NR5A2: variants seen among roughly 807,000 people sequenced by gnomAD.
NR5A2 encodes CYP7A promoter-binding factor.
A neutral mutation model predicts 62.7 loss-of-function variants in NR5A2; 26 were observed. The ratio of observed to expected loss-of-function variants is 0.41; its 90% CI spans 0.30 to 0.58. The LOEUF (loss-of-function observed/expected upper bound fraction) is 0.58, where lower values mean the gene tolerates loss of function less well. Ranked by LOEUF, NR5A2 falls within the 20% of genes least tolerant of loss-of-function variation. The pLI is 0.22. For missense variants in NR5A2, 541 were observed against 669.1 expected, an observed-to-expected ratio of 0.81 and a Z score of 2.11; for synonymous variants, 246 against 241.7, an observed-to-expected ratio of 1.02 and a Z score of -0.16.
chr1:200,080,682 A>G (rs1477791754), intron 5 of NR5A2, among the ~76,000 whole-genome samples: 1 of 152,226 alleles, frequency 6.6e-6, no homozygotes. Flanking sequence ...TAGCTTTGTC[A>G]AAAACAAATT....
Position 200,174,215 on chromosome 1 carries a change from C to T in NR5A2, c.*5C>T, listed in dbSNP as rs1286888220. ...TTGCATGCCAAAAGAGCATAAGTTA[C>T]AACCCCTAGGAGCTCTGCTTTCAAA... On this transcript the variant is annotated 3_prime_UTR_variant, in exon 8 of 8. Coordinates refer to ENST00000367362, the MANE Select transcript of NR5A2 (RefSeq NM_205860.3). 1 of 1,575,068 alleles carries T rather than the reference C, an allele frequency of 6.3e-7. No homozygotes were observed. Among genetic ancestry groups the T allele is most frequent in the Admixed American group, 1.8e-5 (1 of 56,924 alleles).
At chr1:200,133,486 T>A (rs987490032) in intron 7 of NR5A2, among the ~76,000 whole-genome samples, 2 of 148,534 alleles carry the variant, frequency 1.3e-5, no homozygotes, top group African/African-American at 5.0e-5. Flanking sequence ...TATATAATGA[T>A]GTTTTGGTCA....
intron 5 of NR5A2, among the ~76,000 whole-genome samples, chr1:200,077,947 A>C (rs1445882631): frequency 6.6e-6 from 1 of 152,152 alleles, no homozygotes; most frequent in Non-Finnish European, 1.5e-5. Flanking sequence ...ATTTTCCCAG[A>C]AAAATGCATA....
intron 7 of NR5A2, among the ~76,000 whole-genome samples, chr1:200,162,099 C>A (rs146518364): frequency 6.5e-4 from 99 of 152,316 alleles, no homozygotes; most frequent in African/African-American, 2.2e-3. Flanking sequence ...AAAACGGATT[C>A]TCTTATTCGA....
intron 5 of NR5A2, among the ~76,000 whole-genome samples, chr1:200,078,328 G>A (rs1249822647): frequency 1.3e-5 from 2 of 152,164 alleles, no homozygotes; most frequent in Non-Finnish European, 2.9e-5. Flanking sequence ...TTTAGAACAG[G>A]AAAGGAATGA....
At chr1:200,170,100 GTTTT>G (rs890889868) in intron 7 of NR5A2, among the ~76,000 whole-genome samples, 4 of 151,974 alleles carry the variant, frequency 2.6e-5, no homozygotes, top group Non-Finnish European at 4.4e-5. Flanking sequence ...CTAGATTTTG[GTTTT>G]TTTAATATAA....
rs374927971 is a variant in NR5A2, at chr1:200,059,516, T to C, written c.1110+10698T>C. On this transcript the variant is annotated intron_variant, in intron 5 of 7. Transcript: ENST00000367362. ...GCACACAGATTGCTCACAGATCTTA[T>C]GGAAAGGCTGCCAGTGTTACTTCCT... Among the ~76,000 whole-genome samples the C allele has an allele frequency of 5.3e-5, 8 of 152,284 alleles. 2 individuals carry two copies. Among genetic ancestry groups the C allele is most frequent in the African/African-American group, 1.9e-4 (8 of 41,574 alleles).
At chr1:200,173,236 A>G (rs183194580) in intron 7 of NR5A2, among the ~76,000 whole-genome samples, 3 of 152,278 alleles carry the variant, frequency 2.0e-5, no homozygotes, top group Admixed American at 6.5e-5. Context: ...TGACCAGAAG[A>G]AAAAAAAGAA....
chr1:200,031,077 C>T (rs1661531570), intron 1 of NR5A2, among the ~76,000 whole-genome samples: 1 of 152,206 alleles, frequency 6.6e-6, no homozygotes, highest in African/African-American at 2.4e-5. Flanking sequence ...ATAGTTGGGG[C>T]TTAGGCTGCC....
Position 200,148,906 on chromosome 1 carries a change from CTTTTTT to C in NR5A2, c.1379-25042_1379-25037del, listed in dbSNP as rs573219003. 6.6e-3 allele frequency among the ~76,000 whole-genome samples: 830 copies of C among 125,262 alleles called. 1 individual carries two copies. Among genetic ancestry groups the C allele is most frequent in the Non-Finnish European group, 0.011 (650 of 60,346 alleles). The allele number at this position is 125,262 out of a possible 152,430, so 82.2% of individuals were successfully genotyped here. A position where few individuals can be genotyped will look rare whatever the true frequency, so the allele number is the denominator to read the frequency against. On this transcript the variant is annotated intron_variant, in intron 7 of 7. Transcript: ENST00000367362. ...CTAGCCCAGTCTTTGGCATGCGGTA[CTTTTTT>C]TTTTTTTTTTTTTTCCTTTGAAACC...
At chr1:200,149,620 C>T (rs960254727) in intron 7 of NR5A2, among the ~76,000 whole-genome samples, 1 of 152,200 alleles carries the variant, frequency 6.6e-6, no homozygotes, top group African/African-American at 2.4e-5. Context: ...AACCTGACAG[C>T]TGTCAGCAGT....
Position 200,147,636 on chromosome 1 carries a change from G to A in NR5A2, c.1379-26327G>A. ...ACAGGCAGCGCCGCAGCTTGCCCTG[G>A]ATCTTGTCGATTGAGTTGAAGTCGG... is the stretch of plus-strand genomic sequence containing the variant. On this transcript the variant is annotated intron_variant, in intron 7 of 7. Coordinates refer to ENST00000367362, the MANE Select transcript of NR5A2 (RefSeq NM_205860.3). The surrounding 1 kb of genome is among the most constrained non-coding windows in gnomAD (Gnocchi z 4.9). 1 of 709,332 alleles carries A rather than the reference G, an allele frequency of 1.4e-6. No homozygotes were observed. The highest frequency in any genetic ancestry group is 2.6e-6 in the Non-Finnish European group (1 of 378,186). 43.9% of individuals were successfully genotyped at this position (709,332 alleles called of 1,614,324 possible). A position where few individuals can be genotyped will look rare whatever the true frequency, so the allele number is the denominator to read the frequency against.
Position 200,028,444 on chromosome 1 carries a change from C to A in NR5A2, c.64+533C>A, listed in dbSNP as rs1345505906. Among the ~76,000 whole-genome samples the A allele has an allele frequency of 6.1e-3, 732 of 120,360 alleles. 4 individuals carry two copies. Among genetic ancestry groups the A allele is most frequent in the African/African-American group, 0.021 (529 of 25,300 alleles). The allele number at this position is 120,360 out of a possible 152,430, so 79.0% of individuals were successfully genotyped here. On this transcript the variant is annotated intron_variant, in intron 1 of 7. Coordinates refer to ENST00000367362, the MANE Select transcript of NR5A2 (RefSeq NM_205860.3). ...CACCTCCAAAAAAAAAAAAAAAAAA[C>A]CAAAAAAACTAGACCATCATTAGTA... is the stretch of plus-strand genomic sequence containing the variant.
At chr1:200,047,570 G>A (rs1168234315) in intron 4 of NR5A2, among the ~76,000 whole-genome samples, 1 of 134,010 alleles carries the variant, frequency 7.5e-6, no homozygotes, top group Non-Finnish European at 1.5e-5. Context: ...TTAGCAATGT[G>A]AAATATTTCT....
intron 7 of NR5A2, among the ~76,000 whole-genome samples, chr1:200,160,765 G>C (rs1324740474): frequency 6.6e-6 from 1 of 151,410 alleles, no homozygotes; most frequent in Non-Finnish European, 1.5e-5. Context: ...TCAACAACTG[G>C]AGCTTAAATT....
chr1:200,111,453 A>G, intron 6 of NR5A2, 132 bp downstream of exon 6: 1 of 988,700 alleles, frequency 1.0e-6, no homozygotes, highest in Non-Finnish European at 1.4e-6. Flanking sequence ...AATTTAGAAA[A>G]GATGACTTGG....
intron 5 of NR5A2, among the ~76,000 whole-genome samples, chr1:200,073,100 A>G (rs1663814663): frequency 6.6e-6 from 1 of 151,922 alleles, no homozygotes; most frequent in African/African-American, 2.4e-5. Flanking sequence ...ATTAGTTTGC[A>G]TCTACAGAGG....
chr1:200,064,145 T>C lies in NR5A2; in HGVS notation c.1110+15327T>C, dbSNP rs567174928. Among the ~76,000 whole-genome samples the C allele has an allele frequency of 4.8e-5, 7 of 144,976 alleles. No individual in the cohort carries two copies. In the South Asian group the frequency reaches 6.5e-4, roughly 13 times the overall value. ...GCCTGGGCGACAGAGCGAGACTCCA[T>C]CTCAAAAAAAAAAAAAAAGGACGAG... On this transcript the variant is annotated intron_variant, in intron 5 of 7. Transcript: ENST00000367362.
intron 5 of NR5A2, among the ~76,000 whole-genome samples, chr1:200,095,183 C>T (rs1459057459): frequency 6.6e-6 from 1 of 151,748 alleles, no homozygotes; most frequent in East Asian, 1.9e-4. Context: ...GTGGTATACT[C>T]ATAGCTCACT....
Sources: gnomAD v4.1 joint callset for allele counts (sites outside exome capture counted in the v4.1 genomes callset) on GRCh38, gnomAD v4.1.1 for gene constraint, Gnocchi (gnomAD v3.1) non-coding constraint, MANE v1.5 for transcripts, NCBI Gene and HGNC (gene_info 2026-07-23, HGNC 2026-07-21) for gene names.